PCNT: variants seen among roughly 807,000 people sequenced by gnomAD.
PCNT encodes kendrin.
In PCNT, 319 loss-of-function variants were observed where a neutral mutation model predicts 380.4. The observed-to-expected ratio is 0.84, with a 90% CI of 0.77 to 0.92. The LOEUF is 0.92. Among genes scored for constraint, PCNT ranks in the 40% least tolerant of loss-of-function variants. PCNT has a pLI of 0.00. For missense variants in PCNT, 4,400 were observed against 4,255.3 expected (o/e 1.03, Z -0.95); for synonymous variants, 1,845 against 1,735.2 (o/e 1.06, Z -1.57).
intron 37 of PCNT, 41 bp from the exon 38 acceptor site, chr21:46,431,488 T>G (rs1417100872): frequency 6.2e-7 from 1 of 1,613,602 alleles, no homozygotes; most frequent in Non-Finnish European, 8.5e-7. Flanking sequence ...ACACTTTTCC[T>G]CTTGATTCAG....
At chr21:46,351,759 C>T (rs1162619974) in intron 9 of PCNT, among the ~76,000 whole-genome samples, 4 of 152,356 alleles carry the variant, frequency 2.6e-5, no homozygotes, top group African/African-American at 7.2e-5. Context: ...GCAGCAGTGA[C>T]GTGCACCTGT....
chr21:46,345,864 C>T (rs771450319), intron 3 of PCNT, among the ~76,000 whole-genome samples: 7 of 152,202 alleles, frequency 4.6e-5, no homozygotes, highest in Non-Finnish European at 8.8e-5. Flanking sequence ...TGTCACTCAG[C>T]CTCACGTCTT....
chr21:46,376,757 C>A (rs2085344085), intron 15 of PCNT, among the ~76,000 whole-genome samples: 1 of 152,220 alleles, frequency 6.6e-6, no homozygotes, highest in African/African-American at 2.4e-5. Context: ...CCAGGAGACG[C>A]ACTGCTGATG....
intron 15 of PCNT, among the ~76,000 whole-genome samples, chr21:46,380,208 C>G (rs1444823175): frequency 8.6e-6 from 1 of 116,422 alleles, no homozygotes; most frequent in South Asian, 3.1e-4. Flanking sequence ...GTCGCCCAGG[C>G]TAGAGTGCAG....
chr21:46,361,525 C>T (rs1418392074), intron 13 of PCNT, among the ~76,000 whole-genome samples: 2 of 152,226 alleles, frequency 1.3e-5, no homozygotes, highest in Non-Finnish European at 2.9e-5. Context: ...ACCTCCCCTT[C>T]GTCTTCTGTG....
rs1020371286 is a variant in PCNT, at chr21:46,355,636, T to G, written c.1936+10T>G. On this transcript the variant is annotated intron_variant, in intron 12 of 46. Transcript: ENST00000359568. The stretch of plus-strand genomic sequence containing the variant: ...GAAGGGCACAGCCAAGGTGGGCCCC[T>G]CCCGCCTCGCCATGGTGTCGGCAGG... The G allele has an allele frequency of 6.2e-7, 1 of 1,608,686 alleles. No individual in the cohort carries two copies. The highest frequency in any genetic ancestry group is 1.1e-5 in the South Asian group (1 of 90,672).
chr21:46,441,962 G>A (rs536875323), intron 43 of PCNT, among the ~76,000 whole-genome samples: 2 of 152,182 alleles, frequency 1.3e-5, no homozygotes, highest in East Asian at 1.9e-4. Flanking sequence ...TGCTTGTTCC[G>A]AAGGCCATCC....
At chr21:46,426,627 C>T (rs969564122) in intron 33 of PCNT, among the ~76,000 whole-genome samples, 3 of 152,204 alleles carry the variant, frequency 2.0e-5, no homozygotes, top group Non-Finnish European at 4.4e-5. Flanking sequence ...CATTCCTCCC[C>T]TTGGGTCTCT....
At chr21:46,401,449 G>T in intron 25 of PCNT, 102 bp from the exon 26 acceptor site, 2 of 971,340 alleles carry the variant, frequency 2.1e-6, no homozygotes, top group Non-Finnish European at 3.3e-6. Flanking sequence ...CACCTGCTCT[G>T]CTTCAGGTGC....
intron 17 of PCNT, among the ~76,000 whole-genome samples, chr21:46,386,868 C>T (rs960955520): frequency 6.6e-6 from 1 of 152,230 alleles, no homozygotes; most frequent in African/African-American, 2.4e-5. Flanking sequence ...CGCGTCCTCC[C>T]CGTCCCCTTG....
At chr21:46,365,180 T>TCTGTTCA (rs2084855794) in intron 14 of PCNT, among the ~76,000 whole-genome samples, 4 of 152,160 alleles carry the variant, frequency 2.6e-5, no homozygotes, top group Non-Finnish European at 5.9e-5. Flanking sequence ...GCCATGGGGT[T>TCTGTTCA]CTCCTCACTG....
In PCNT at chr21:46,397,970, C is replaced by T. The variant is rs781328478; in HGVS notation, c.4447-44C>T. On this transcript the variant is annotated intron_variant, in intron 22 of 46. Transcript: ENST00000359568. ...GTGGACCTTCGCTGCAAGGGGCACG[C>T]CAGCCCCGTTGGGGTGGTCCCAACA... is the stretch of plus-strand genomic sequence containing the variant. 5 of 1,490,270 alleles carry T rather than the reference C, an allele frequency of 3.4e-6. No homozygotes were observed. The East Asian group carries it at 1.2e-4, about 36-fold the overall frequency. 92.3% of individuals were successfully genotyped at this position (1,490,270 alleles called of 1,614,324 possible). A position where few individuals can be genotyped will look rare whatever the true frequency, so the allele number is the denominator to read the frequency against.
In PCNT at chr21:46,411,606, A is replaced by C; in HGVS notation, c.5533A>C (p.Arg1845=). The C allele has an allele frequency of 6.2e-7, 1 of 1,612,714 alleles. No individual in the cohort carries two copies. The highest frequency in any genetic ancestry group is 8.5e-7 in the Non-Finnish European group (1 of 1,179,684). The change falls in exon 28 of 47, where the codon AGG becomes CGG. Residue 1845 remains arginine, a synonymous_variant. Coordinates refer to ENST00000359568, the MANE Select transcript of PCNT (RefSeq NM_006031.6). The part of the protein sequence containing the change: ...LAELERNVAL[R]EAEVEDMASR... Reference sequence around the variant, plus strand: ...TGAGCTGGAGCGCAATGTAGCCCTCAGGGAGGCTGAGGTCGAAGACATGGC... The same window carrying C: ...TGAGCTGGAGCGCAATGTAGCCCTCCGGGAGGCTGAGGTCGAAGACATGGC...
intron 31 of PCNT, 43 bp from the exon 32 acceptor site, chr21:46,421,927 C>A: frequency 6.2e-7 from 1 of 1,610,024 alleles, no homozygotes; most frequent in South Asian, 1.1e-5. Flanking sequence ...GGGGAACCCC[C>A]TGGAGAGCTG....
chr21:46,406,165 C>T (rs1485169645), intron 27 of PCNT, among the ~76,000 whole-genome samples: 2 of 152,220 alleles, frequency 1.3e-5, no homozygotes, highest in African/African-American at 2.4e-5. Context: ...GTCTCCCTGG[C>T]GTGGTCGTGG....
intron 3 of PCNT, among the ~76,000 whole-genome samples, chr21:46,343,596 CT>C (rs1387988018): frequency 1.3e-5 from 2 of 152,012 alleles, no homozygotes; most frequent in Non-Finnish European, 2.9e-5. Context: ...TTGTTATGTC[CT>C]TTCCTGGTTT....
chr21:46,373,716 C>A (rs185830135), intron 15 of PCNT, among the ~76,000 whole-genome samples: 136 of 140,366 alleles, frequency 9.7e-4, no homozygotes, highest in African/African-American at 3.5e-3. Context: ...TGAGCCACCG[C>A]GCCCAGCCTT....
chr21:46,367,101 G>A lies in PCNT; in HGVS notation c.3127G>A (p.Ala1043Thr), dbSNP rs780503952. 15 of 1,613,402 alleles carry A rather than the reference G, an allele frequency of 9.3e-6. No homozygotes were observed. The highest frequency in any genetic ancestry group is 4.0e-5 in the African/African-American group (3 of 74,914). ...HLRTEVSTELAGTVAHELQGV... is the reference protein window; with the variant it reads ...HLRTEVSTELTGTVAHELQGV... ...GCGAACCGAAGTGAGCACAGAGCTCGCCGGAACCGTGGCTCACGAGCTGCA... is the reference window on the plus strand; with the variant it reads ...GCGAACCGAAGTGAGCACAGAGCTCACCGGAACCGTGGCTCACGAGCTGCA... Residue 1043 changes from alanine to threonine, a missense_variant, in exon 15 of 47, where the codon GCC becomes ACC. By Grantham distance (58) the Ala-to-Thr change is moderately conservative. Transcript: ENST00000359568.
Position 46,402,341 on chromosome 21 carries a change from T to C in PCNT, c.4973T>C (p.Leu1658Ser). 1 of 1,604,226 alleles carries C rather than the reference T, an allele frequency of 6.2e-7. No individual in the cohort carries two copies. The highest frequency in any genetic ancestry group is 8.5e-7 in the Non-Finnish European group (1 of 1,171,132). Residue 1658 changes from leucine (L) to serine (S), a missense_variant, in exon 27 of 47, where the codon TTA becomes TCA. Transcript: ENST00000359568. The stretch of plus-strand genomic sequence containing the variant: ...TTGTTTTAATGAAAGGTTTTGGACT[T>C]AAAAGAACAGCTAGAAAAGATGAAA... ...LLRRESEVLD[L>S]KEQLEKMKGD...
Sources: gnomAD v4.1 joint callset for allele counts (sites outside exome capture counted in the v4.1 genomes callset) on GRCh38, gnomAD v4.1.1 for gene constraint, MANE v1.5 for transcripts, NCBI Gene and HGNC (gene_info 2026-07-23, HGNC 2026-07-21) for gene names.